HIPK2: variants seen among roughly 807,000 people sequenced by gnomAD.
The protein encoded by HIPK2 is homeodomain interacting protein kinase 2, also known as homeodomain-interacting protein kinase 2.
A neutral mutation model predicts 113.7 loss-of-function variants in HIPK2; 27 were observed. That is an observed-to-expected ratio of 0.24 (90% CI 0.17 to 0.33). The LOEUF (loss-of-function observed/expected upper bound fraction) is 0.33. Among genes scored for constraint, HIPK2 ranks in the 10% least tolerant of loss-of-function variants. HIPK2 has a pLI of 1.00. For missense variants in HIPK2, 1,257 were observed against 1,588.0 expected (o/e 0.79, Z 3.54); for synonymous variants, 631 against 642.2 (o/e 0.98, Z 0.26).
At chr7:139,585,746 A>G (rs922337259) in intron 12 of HIPK2, among the ~76,000 whole-genome samples, 4 of 152,228 alleles carry the variant, frequency 2.6e-5, no homozygotes, top group African/African-American at 9.6e-5. Context: ...TCTTCTTACA[A>G]GTTGTGTTAC....
intron 2 of HIPK2, among the ~76,000 whole-genome samples, chr7:139,690,630 G>C (rs1301963425): frequency 6.6e-6 from 1 of 152,088 alleles, no homozygotes; most frequent in Non-Finnish European, 1.5e-5. Flanking sequence ...GGGCAACATA[G>C]TGAGACACTG....
Position 139,626,628 on chromosome 7 carries a change from T to C in HIPK2, c.1592A>G (p.His531Arg), listed in dbSNP as rs759698867. Residue 531 changes from histidine (H) to arginine (R), a missense_variant, in exon 6 of 15, where the codon CAC (histidine) becomes CGC (arginine). Physicochemically the swap from His to Arg is conservative, Grantham distance 29. This residue lies in a region of HIPK2 where 862 missense variants were observed against 1,004.3 expected (regional missense o/e 0.86). Transcript: ENST00000406875. ...TLNHPFVTMT[H>R]LLDFPHSTHV... is the part of the protein sequence containing the mutation. ...TGTGCTGTGGGGAAAATCGAGTAAG[T>C]GTGTCATGGTGACAAAGGGATGGTT... 1.2e-6 allele frequency: 2 copies of C among 1,613,916 alleles called. No homozygotes were observed. The highest frequency in any genetic ancestry group is 1.3e-5 in the African/African-American group (1 of 75,022).
At position 139,600,530 on chromosome 7, in the gene HIPK2, A is replaced by G. The variant is rs753874187; in HGVS notation, c.2322T>C (p.His774=). 5.0e-6 allele frequency: 8 copies of G among 1,613,888 alleles called. No individual in the cohort carries two copies. Among genetic ancestry groups the G allele is most frequent in the African/African-American group, 2.7e-5 (2 of 74,930 alleles). Residue 774 remains histidine (H), a synonymous_variant, in exon 11 of 15, where the codon CAT becomes CAC. Transcript: ENST00000406875. The part of the protein sequence containing the change: ...IMQQPALLTG[H]VTLPAAQPLN... ...AGGGCTGTGCTGCTGGAAGGGTCACATGACCGGTCAATAGTGCAGGCTGCT... is the reference window on the plus strand; with the variant it reads ...AGGGCTGTGCTGCTGGAAGGGTCACGTGACCGGTCAATAGTGCAGGCTGCT...
chr7:139,708,403 C>T (rs771776355), intron 2 of HIPK2, among the ~76,000 whole-genome samples: 2 of 152,128 alleles, frequency 1.3e-5, no homozygotes, highest in Non-Finnish European at 2.9e-5. Context: ...AGCTGCAGAG[C>T]TTGTCCAAAT....
intron 2 of HIPK2, among the ~76,000 whole-genome samples, chr7:139,659,173 C>CT (rs1342386314): frequency 6.6e-6 from 1 of 152,168 alleles, no homozygotes; most frequent in Non-Finnish European, 1.5e-5. Context: ...AACTCACTTG[C>CT]TTTTCTATGC....
At chr7:139,635,141 G>C (rs1424199659) in intron 2 of HIPK2, among the ~76,000 whole-genome samples, 1 of 152,224 alleles carries the variant, frequency 6.6e-6, no homozygotes, top group Non-Finnish European at 1.5e-5. Context: ...GGCCTGGACT[G>C]CTGGCTCAAG....
chr7:139,701,311 C>T (rs946363444), intron 2 of HIPK2, among the ~76,000 whole-genome samples: 23 of 152,170 alleles, frequency 1.5e-4, no homozygotes, highest in Non-Finnish European at 2.2e-4. Flanking sequence ...CAGGGAAAAG[C>T]CAGGGACAGA....
chr7:139,614,210 A>G, intron 8 of HIPK2, 76 bp downstream of exon 8: 1 of 1,243,642 alleles, frequency 8.0e-7, no homozygotes, highest in South Asian at 2.4e-5. Flanking sequence ...TGAGCGTGAC[A>G]GAAAACTGCA....
intron 1 of HIPK2, among the ~76,000 whole-genome samples, chr7:139,776,161 C>G (rs770890115): frequency 6.6e-6 from 1 of 152,128 alleles, no homozygotes; most frequent in Non-Finnish European, 1.5e-5. Flanking sequence ...GTGGAGTGAT[C>G]AGAAATTTCG....
intron 6 of HIPK2, among the ~76,000 whole-genome samples, chr7:139,621,820 G>A (rs1211914293): frequency 2.0e-5 from 3 of 151,428 alleles, no homozygotes; most frequent in East Asian, 3.9e-4. Flanking sequence ...CTACTTAGGA[G>A]GCTGAGGTCG....
intron 2 of HIPK2, among the ~76,000 whole-genome samples, chr7:139,633,607 T>C (rs1468297290): frequency 1.4e-5 from 2 of 146,944 alleles, no homozygotes; most frequent in African/African-American, 5.1e-5. Flanking sequence ...AGCCCAGGAG[T>C]TTCAGACCAG....
At chr7:139,702,637 C>T (rs1226123142) in intron 2 of HIPK2, among the ~76,000 whole-genome samples, 1 of 152,120 alleles carries the variant, frequency 6.6e-6, no homozygotes, top group African/African-American at 2.4e-5. Context: ...TTTGAGATAA[C>T]GATTACAGGG....
chr7:139,667,697 T>C (rs1414371983), intron 2 of HIPK2, among the ~76,000 whole-genome samples: 4 of 152,214 alleles, frequency 2.6e-5, no homozygotes, highest in Admixed American at 1.3e-4. Context: ...GGGAAAATAT[T>C]TGTACATTTG....
intron 2 of HIPK2, among the ~76,000 whole-genome samples, chr7:139,671,758 G>A (rs1802310376): frequency 6.6e-6 from 1 of 152,114 alleles, no homozygotes; most frequent in Non-Finnish European, 1.5e-5. Flanking sequence ...CACCATGTTG[G>A]CCAGGCTGGT....
chr7:139,596,494 T>G (rs921708510), intron 12 of HIPK2, among the ~76,000 whole-genome samples: 2 of 152,368 alleles, frequency 1.3e-5, no homozygotes, highest in African/African-American at 4.8e-5. Flanking sequence ...ATAATTATCT[T>G]TTAAGACCAA....
At chr7:139,651,067 A>C (rs571194975) in intron 2 of HIPK2, among the ~76,000 whole-genome samples, 19 of 152,348 alleles carry the variant, frequency 1.2e-4, no homozygotes, top group African/African-American at 3.6e-4. Flanking sequence ...GGCGTCTCTA[A>C]GAGGGGAGGG....
At chr7:139,744,813 C>G (rs1457862538) in intron 1 of HIPK2, among the ~76,000 whole-genome samples, 1 of 152,206 alleles carries the variant, frequency 6.6e-6, no homozygotes, top group African/African-American at 2.4e-5. Flanking sequence ...CGCTTCACCA[C>G]GCTGCTCCCT....
At chr7:139,776,266 C>G (rs1304259270) in intron 1 of HIPK2, among the ~76,000 whole-genome samples, 1 of 150,956 alleles carries the variant, frequency 6.6e-6, no homozygotes, top group Non-Finnish European at 1.5e-5. Flanking sequence ...TTCTAAACAG[C>G]CCCTTTGTTT....
intron 1 of HIPK2, among the ~76,000 whole-genome samples, chr7:139,726,453 GTGAGAAGGAAGA>G (rs1418024019): frequency 6.6e-6 from 1 of 152,238 alleles, no homozygotes; most frequent in Non-Finnish European, 1.5e-5. Flanking sequence ...GGCTCCACGA[GTGAGAAGGAAGA>G]TGGGAAGTGG....
Sources: gnomAD v4.1 joint callset for allele counts (sites outside exome capture counted in the v4.1 genomes callset) on GRCh38, gnomAD v4.1.1 for gene constraint, gnomAD v4.1.1 regional missense constraint, MANE v1.5 for transcripts, NCBI Gene and HGNC (gene_info 2026-07-23, HGNC 2026-07-21) for gene names.